ZSCAN5A: variants seen among roughly 807,000 people sequenced by gnomAD.
The protein encoded by ZSCAN5A is zinc finger and SCAN domain-containing protein 5A.
A neutral mutation model predicts 23.7 loss-of-function variants in ZSCAN5A; 12 were observed. The observed-to-expected ratio is 0.51, with a 90% CI of 0.32 to 0.82. The LOEUF is 0.82. Among genes scored for constraint, ZSCAN5A ranks in the 40% least tolerant of loss-of-function variants. The pLI is 0.03. For synonymous variants in ZSCAN5A, 257 were observed against 239.9 expected (o/e 1.07, Z -0.66); for missense variants, 597 against 617.9 (o/e 0.97, Z 0.36).
At chr19:56,260,521 T>A (rs965441290) in intron 2 of ZSCAN5A, among the ~76,000 whole-genome samples, 1 of 152,070 alleles carries the variant, frequency 6.6e-6, no homozygotes, top group Admixed American at 6.5e-5. Flanking sequence ...GGCTTTTTTT[T>A]ACATTTTTTT....
intron 2 of ZSCAN5A, among the ~76,000 whole-genome samples, chr19:56,306,888 C>A (rs1429681094): frequency 2.6e-4 from 16 of 61,922 alleles, no homozygotes; most frequent in African/African-American, 1.1e-3. Flanking sequence ...TCTCCCACGT[C>A]GCCAGAGAAA....
chr19:56,302,283 C>G (rs903516021), intron 2 of ZSCAN5A, among the ~76,000 whole-genome samples: 2 of 151,604 alleles, frequency 1.3e-5, no homozygotes, highest in African/African-American at 4.8e-5. Flanking sequence ...TTTCATTCTT[C>G]CTTCCTCTCT....
At chr19:56,341,416 C>T (rs12150896) in intron 2 of ZSCAN5A, 1 of 152,070 alleles carries the variant, frequency 6.6e-6, no homozygotes, top group East Asian at 1.9e-4. Flanking sequence ...GAGAACACCA[C>T]TAAGATACTC....
chr19:56,292,043 G>A (rs2039544406), intron 2 of ZSCAN5A, among the ~76,000 whole-genome samples: 1 of 152,130 alleles, frequency 6.6e-6, no homozygotes, highest in African/African-American at 2.4e-5. Context: ...TCAAGACTGG[G>A]CATCCCAGTG....
intron 2 of ZSCAN5A, among the ~76,000 whole-genome samples, chr19:56,332,293 G>A (rs73052181): frequency 0.044 from 6,704 of 152,234 alleles, 148 homozygotes; most frequent in South Asian, 0.11. Flanking sequence ...TTGTGTGGAT[G>A]AGTCTTTTCA....
chr19:56,349,892 T>G (rs2041657491), intron 2 of ZSCAN5A, among the ~76,000 whole-genome samples: 1 of 152,180 alleles, frequency 6.6e-6, no homozygotes, highest in African/African-American at 2.4e-5. Flanking sequence ...TAATGCATAT[T>G]TGCAGAGAGA....
intron 2 of ZSCAN5A, among the ~76,000 whole-genome samples, chr19:56,279,103 G>A (rs1289987257): frequency 6.6e-6 from 1 of 152,186 alleles, no homozygotes; most frequent in Non-Finnish European, 1.5e-5. Context: ...AGTGCCTACT[G>A]AAGCATTGAG....
chr19:56,317,766 G>A (rs2041332485), upstream of ZSCAN5A: 1 of 152,620 alleles, frequency 6.6e-6, no homozygotes, highest in Non-Finnish European at 1.5e-5. Flanking sequence ...GAGTGTGAGG[G>A]AGACAAGGAG....
rs957462771 is a variant in ZSCAN5A, at chr19:56,351,813, G to T, written c.-358+11422C>A. On this transcript the variant is annotated intron_variant, in intron 2 of 6. Transcript: ENST00000587340. The surrounding 1 kb of genome is among the most constrained non-coding windows in gnomAD (Gnocchi z 4.8). ...AAGTGGTGCCGCTAAGATTGCACAG[G>T]TGCAGCGAATACGAACCTGGGAAGA... is the stretch of plus-strand genomic sequence containing the variant. 6.6e-6 allele frequency among the ~76,000 whole-genome samples: 1 copy of T among 152,196 alleles called. No individual in the cohort carries two copies. Among genetic ancestry groups the T allele is most frequent in the Admixed American group, 6.5e-5 (1 of 15,286 alleles).
intron 2 of ZSCAN5A, chr19:56,341,323 T>C (rs1010704033): frequency 6.6e-6 from 1 of 152,128 alleles, no homozygotes; most frequent in Non-Finnish European, 1.5e-5. Flanking sequence ...TGGAACCAAG[T>C]TGGAAAACAC....
intron 2 of ZSCAN5A, among the ~76,000 whole-genome samples, chr19:56,337,582 CGCACCCACTGTCCT>C (rs1195945503): frequency 6.6e-6 from 1 of 152,038 alleles, no homozygotes; most frequent in Admixed American, 6.5e-5. Flanking sequence ...TGCACTGCAC[CGCACCCACTGTCCT>C]GCACCCACTG....
At chr19:56,294,058 C>T (rs1014814852) in intron 2 of ZSCAN5A, among the ~76,000 whole-genome samples, 2 of 152,220 alleles carry the variant, frequency 1.3e-5, no homozygotes, top group African/African-American at 2.4e-5. Flanking sequence ...CTCCAGCCTC[C>T]GTCCTCATGC....
chr19:56,333,892 A>C (rs2041512279), intron 2 of ZSCAN5A, among the ~76,000 whole-genome samples: 2 of 151,976 alleles, frequency 1.3e-5, no homozygotes, highest in South Asian at 4.1e-4. Flanking sequence ...GTCTGCATGA[A>C]AATAATTACA....
chr19:56,357,899 A>C (rs2041708470), intron 2 of ZSCAN5A, among the ~76,000 whole-genome samples: 1 of 148,650 alleles, frequency 6.7e-6, no homozygotes, highest in African/African-American at 2.5e-5. Flanking sequence ...CCTAGGCTCA[A>C]AGTAAACGGA....
chr19:56,265,109 G>A (rs577402380), intron 2 of ZSCAN5A, among the ~76,000 whole-genome samples: 1 of 152,012 alleles, frequency 6.6e-6, no homozygotes, highest in Non-Finnish European at 1.5e-5. Flanking sequence ...GTGACAGAGT[G>A]AGACTCCATC....
chr19:56,265,589 T>C (rs1395651618), intron 2 of ZSCAN5A, among the ~76,000 whole-genome samples: 1 of 151,746 alleles, frequency 6.6e-6, no homozygotes, highest in Non-Finnish European at 1.5e-5. Context: ...GAAACGGACT[T>C]TGGCTAGCTT....
chr19:56,222,454 G>C lies in ZSCAN5A; in HGVS notation c.740-128C>G, dbSNP rs113925628. On this transcript the variant is annotated intron_variant, in intron 5 of 5. Transcript: ENST00000683990. ...CTCAAGCCTAAGACATTGGACTGTA[G>C]GTCTCTGGAAAGTAGAGGATGGGGA... 1.7e-3 allele frequency: 2,597 copies of C among 1,550,726 alleles called. 8 individuals are homozygous for C. Among genetic ancestry groups the C allele is most frequent in the Non-Finnish European group, 1.3e-3 (1,541 of 1,151,142 alleles).
intron 4 of ZSCAN5A, 46 bp downstream of exon 4, chr19:56,223,585 T>C: frequency 6.2e-7 from 1 of 1,600,176 alleles, no homozygotes; most frequent in Non-Finnish European, 8.5e-7. Context: ...TTTCCTCCTG[T>C]TCCTTCTCCC....
At chr19:56,296,044 G>C (rs778230586) in intron 2 of ZSCAN5A, 1 of 152,532 alleles carries the variant, frequency 6.6e-6, no homozygotes, top group African/African-American at 2.4e-5. Context: ...GGGCTGGGCA[G>C]GGTGGTGGAA....
Sources: allele counts gnomAD v4.1 joint callset (sites outside exome capture counted in the v4.1 genomes callset), GRCh38; gene constraint gnomAD v4.1.1; non-coding constraint Gnocchi (gnomAD v3.1); transcripts MANE v1.5; gene names NCBI Gene and HGNC (gene_info 2026-07-23, HGNC 2026-07-21).